PROM1: variants seen among roughly 807,000 people sequenced by gnomAD.
The protein encoded by PROM1 is prominin 1, also known as prominin-1.
In PROM1, 105 loss-of-function variants were observed where a neutral mutation model predicts 116.9. The ratio of observed to expected loss-of-function variants is 0.90; its 90% CI spans 0.77 to 1.06. The LOEUF is 1.06. Ranked by LOEUF, PROM1 falls within the 50% of genes least tolerant of loss-of-function variation. The pLI, the probability that PROM1 is intolerant of heterozygous loss-of-function variation, is 0.00. For missense variants in PROM1, 1,122 were observed against 1,045.2 expected, an observed-to-expected ratio of 1.07 and a Z score of -1.01; for synonymous variants, 393 against 387.0, an observed-to-expected ratio of 1.02 and a Z score of -0.18.
At chr4:16,004,875 CT>C (rs1369456414) in intron 13 of PROM1, among the ~76,000 whole-genome samples, 1 of 125,174 alleles carries the variant, frequency 8.0e-6, no homozygotes, top group African/African-American at 3.3e-5. Context: ...CTCTCTCCCT[CT>C]CTCTCTCTCT....
chr4:16,017,677 C>T (rs1728750502), intron 9 of PROM1, among the ~76,000 whole-genome samples: 1 of 152,120 alleles, frequency 6.6e-6, no homozygotes, highest in African/African-American at 2.4e-5. Flanking sequence ...GAAAATTAGC[C>T]AGGCATGGTG....
At chr4:16,010,440 A>T (rs1487977957) in intron 11 of PROM1, among the ~76,000 whole-genome samples, 1 of 152,246 alleles carries the variant, frequency 6.6e-6, no homozygotes, top group East Asian at 1.9e-4. Context: ...GCTCCCGGTG[A>T]ACTTCAGGTA....
intron 2 of PROM1, among the ~76,000 whole-genome samples, chr4:16,064,316 A>C (rs1741018851): frequency 6.6e-6 from 1 of 152,240 alleles, no homozygotes; most frequent in Non-Finnish European, 1.5e-5. Flanking sequence ...ACTACACATA[A>C]CAATATGGAT....
rs912618452 is a variant in PROM1, at chr4:15,980,455, T to C, written c.2456A>G (p.Tyr819Cys). 9.6e-6 allele frequency: 15 copies of C among 1,555,366 alleles called. No individual in the cohort carries two copies. The highest frequency in any genetic ancestry group is 8.2e-5 in the African/African-American group (6 of 73,282). Residue 819 changes from tyrosine (Y) to cysteine (C), a missense_variant, in exon 24 of 28, where the codon TAT becomes TGT. Transcript: ENST00000447510. ...LIFAVKLAKYYRRMDSEDVYD... is the reference protein window; with the variant it reads ...LIFAVKLAKYCRRMDSEDVYD... ...CACGTCCTCCGAATCCATTCGACGA[T>C]AGTACTTAGCCAGTTTTACCGCAAA... is the stretch of plus-strand genomic sequence containing the variant.
chr4:16,024,470 A>G (rs1730728971), intron 6 of PROM1, 112 bp from the exon 7 acceptor site: 2 of 828,604 alleles, frequency 2.4e-6, no homozygotes, highest in Non-Finnish European at 3.7e-6. Flanking sequence ...TTTTCAGGTA[A>G]CCAGCAAGTT....
intron 2 of PROM1, among the ~76,000 whole-genome samples, chr4:16,068,798 T>C (rs1230665238): frequency 6.6e-6 from 1 of 152,186 alleles, no homozygotes; most frequent in Non-Finnish European, 1.5e-5. Flanking sequence ...TCAAATTCCA[T>C]GGAAACAAGG....
intron 25 of PROM1, 22 bp downstream of exon 25, chr4:15,979,859 T>G: frequency 6.9e-7 from 1 of 1,443,068 alleles, no homozygotes; most frequent in Non-Finnish European, 9.5e-7. Context: ...TCTAGGAATA[T>G]AGTTTTTTTA....
At position 15,998,472 on chromosome 4, in the gene PROM1, T is replaced by A; in HGVS notation, c.1595A>T (p.Tyr532Phe). 1 of 1,608,710 alleles carries A rather than the reference T, an allele frequency of 6.2e-7. No homozygotes were observed. Among genetic ancestry groups the A allele is most frequent in the Non-Finnish European group, 8.5e-7 (1 of 1,178,400 alleles). ...KELFRVLDTP[Y>F]LLNEDWEYYL... is the part of the protein sequence containing the mutation. ...GTATTCCCAGTCTTCATTTAGTAAG[T>A]AGGGTGTATCCAAAACCTAGAACAC... Residue 532 changes from tyrosine (Y) to phenylalanine (F), a missense_variant, in exon 15 of 28, where the codon TAC (tyrosine) becomes TTC (phenylalanine). Transcript: ENST00000447510.
rs752090916 is a variant in PROM1, at chr4:16,018,507, A to G, written c.818T>C (p.Met273Thr). The G allele has an allele frequency of 1.2e-6, 2 of 1,611,812 alleles. No individual in the cohort carries two copies. Among genetic ancestry groups the G allele is most frequent in the South Asian group, 2.2e-5 (2 of 90,746 alleles). The part of the protein sequence containing the change: ...IKETKEALEN[M>T]NSTLKSLHQQ... The stretch of plus-strand genomic sequence containing the variant: ...GTGCAAGCTCTTCAAGGTGCTGTTC[A>G]TGTTCTCCAACGCCTCTTTGGTCTC... Residue 273 changes from methionine (M) to threonine (T), a missense_variant, in exon 9 of 28, where the codon ATG (methionine) becomes ACG (threonine). Coordinates refer to ENST00000447510, the MANE Select transcript of PROM1 (RefSeq NM_006017.3).
intron 2 of PROM1, among the ~76,000 whole-genome samples, chr4:16,065,385 C>A (rs1167317075): frequency 6.6e-6 from 1 of 152,198 alleles, no homozygotes; most frequent in East Asian, 1.9e-4. Flanking sequence ...ACACTCATAG[C>A]TTAGTTTGAA....
At chr4:16,079,038 C>T (rs539051690) in intron 1 of PROM1, among the ~76,000 whole-genome samples, 2 of 152,282 alleles carry the variant, frequency 1.3e-5, no homozygotes, top group South Asian at 4.1e-4. Flanking sequence ...CAAAGGGCTC[C>T]CTTCAAACAT....
At chr4:16,044,459 T>C (rs1310309697) in intron 2 of PROM1, among the ~76,000 whole-genome samples, 1 of 152,202 alleles carries the variant, frequency 6.6e-6, no homozygotes, top group Non-Finnish European at 1.5e-5. Flanking sequence ...ATTAAGAGCA[T>C]AAATAGTGTT....
chr4:15,997,035 T>G (rs1722490364), intron 15 of PROM1, among the ~76,000 whole-genome samples: 1 of 151,878 alleles, frequency 6.6e-6, no homozygotes, highest in Non-Finnish European at 1.5e-5. Flanking sequence ...AAGCATCCTG[T>G]GAACTGATTT....
Position 16,006,097 on chromosome 4 carries a change from A to G in PROM1, c.1454+441T>C, listed in dbSNP as rs1162502072. Among the ~76,000 whole-genome samples, 4 of 152,204 alleles carry G rather than the reference A, an allele frequency of 2.6e-5. No individual in the cohort carries two copies. In the East Asian group the frequency reaches 7.7e-4, roughly 29 times the overall value. ...CCTTGGCAGCCTTAGTTCTAAATCAAGTTTCTAGAATTTCAAGCTAGCAAT... is the reference window on the plus strand; with the variant it reads ...CCTTGGCAGCCTTAGTTCTAAATCAGGTTTCTAGAATTTCAAGCTAGCAAT... On this transcript the variant is annotated intron_variant, in intron 13 of 27. Transcript: ENST00000447510.
chr4:15,989,504 C>A (rs1351301053), intron 19 of PROM1, among the ~76,000 whole-genome samples: 2 of 152,222 alleles, frequency 1.3e-5, no homozygotes, highest in African/African-American at 2.4e-5. Context: ...GAAGAGACAG[C>A]CACAGATTTT....
chr4:16,005,976 C>T (rs1335579865), intron 13 of PROM1, among the ~76,000 whole-genome samples: 5 of 152,232 alleles, frequency 3.3e-5, no homozygotes, highest in Admixed American at 1.3e-4. Context: ...CAGGGACAGT[C>T]GCTCCAGTCT....
intron 13 of PROM1, among the ~76,000 whole-genome samples, chr4:16,002,482 C>T (rs2149202545): frequency 6.6e-6 from 1 of 152,274 alleles, no homozygotes; most frequent in African/African-American, 2.4e-5. Flanking sequence ...CTGATGCTCG[C>T]AATCACCACA....
intron 7 of PROM1, 100 bp from the exon 8 acceptor site, chr4:16,023,515 AAACCC>A: frequency 2.1e-6 from 2 of 946,324 alleles, no homozygotes; most frequent in Non-Finnish European, 3.2e-6. Flanking sequence ...TCCTGCTGCA[AAACCC>A]ATTTGCATCC....
At chr4:16,033,554 A>G in intron 4 of PROM1, 45 bp from the exon 5 acceptor site, 1 of 1,363,350 alleles carries the variant, frequency 7.3e-7, no homozygotes, top group South Asian at 1.4e-5. Flanking sequence ...AGCACAAAAT[A>G]ATAAGTAGAA....
Sources: allele counts gnomAD v4.1 joint callset (sites outside exome capture counted in the v4.1 genomes callset), GRCh38; gene constraint gnomAD v4.1.1; transcripts MANE v1.5; gene names NCBI Gene and HGNC (gene_info 2026-07-23, HGNC 2026-07-21).